The following ATP6V1A variants were observed in gnomAD, a reference collection of about 807,000 sequenced individuals.
ATP6V1A encodes the protein V-type proton ATPase catalytic subunit A.
A neutral mutation model predicts 70.1 loss-of-function variants in ATP6V1A; 18 were observed. That is an observed-to-expected ratio of 0.26 (90% confidence interval 0.18 to 0.38). ATP6V1A has a LOEUF of 0.38. ATP6V1A is among the 10% of genes least tolerant of loss of function. ATP6V1A has a pLI of 1.00. For synonymous variants in ATP6V1A, 232 were observed against 253.8 expected (o/e 0.91, Z 0.82); for missense variants, 424 against 772.4 (o/e 0.55, Z 5.35).
chr3:113,789,672 G>T (rs960668803), intron 7 of ATP6V1A, 60 bp from the exon 8 acceptor site: 1 of 1,285,390 alleles, frequency 7.8e-7, no homozygotes, highest in Non-Finnish European at 1.1e-6. Flanking sequence ...AAGAAAAATA[G>T]GGAGGGCTAA....
intron 8 of ATP6V1A, among the ~76,000 whole-genome samples, chr3:113,793,519 A>T (rs773183081): frequency 6.6e-6 from 1 of 152,184 alleles, no homozygotes; most frequent in African/African-American, 2.4e-5. Flanking sequence ...ACTCATATGT[A>T]TCTGTCTTTT....
intron 1 of ATP6V1A, among the ~76,000 whole-genome samples, chr3:113,759,711 T>G (rs1031603241): frequency 1.3e-5 from 2 of 152,190 alleles, no homozygotes; most frequent in African/African-American, 2.4e-5. Flanking sequence ...TTTAAAAATC[T>G]TGGCCATCAA....
intron 2 of ATP6V1A, chr3:113,780,762 G>C: frequency 2.3e-6 from 3 of 1,308,062 alleles, no homozygotes; most frequent in Non-Finnish European, 3.0e-6. Flanking sequence ...GCAACTCTCA[G>C]AACATACCTG....
At chr3:113,787,974 G>T (rs1709055205) in intron 6 of ATP6V1A, among the ~76,000 whole-genome samples, 1 of 152,188 alleles carries the variant, frequency 6.6e-6, no homozygotes, top group South Asian at 2.1e-4. Flanking sequence ...AGGCTGGAAT[G>T]CAATGGCTAG....
chr3:113,779,604 C>T (rs1050762313), intron 2 of ATP6V1A, among the ~76,000 whole-genome samples: 55 of 152,104 alleles, frequency 3.6e-4, no homozygotes, highest in Admixed American at 3.5e-3. Flanking sequence ...AGTCACTGTG[C>T]CTCTTTTTTC....
At chr3:113,801,955 A>G (rs894733332) in intron 12 of ATP6V1A, among the ~76,000 whole-genome samples, 1 of 151,752 alleles carries the variant, frequency 6.6e-6, no homozygotes, top group South Asian at 2.1e-4. Flanking sequence ...CCTGATCCAT[A>G]ATGCAAGAAT....
chr3:113,766,168 C>T (rs1038867061), intron 1 of ATP6V1A, among the ~76,000 whole-genome samples: 7 of 152,222 alleles, frequency 4.6e-5, no homozygotes, highest in East Asian at 1.9e-4. Context: ...GTGGGAAGTC[C>T]GAGGTCAAGG....
At chr3:113,785,011 G>A (rs148875270) in intron 5 of ATP6V1A, among the ~76,000 whole-genome samples, 178 bp downstream of exon 5, 13 of 152,156 alleles carry the variant, frequency 8.5e-5, no homozygotes, top group Non-Finnish European at 1.6e-4. Context: ...GGATGAAAAA[G>A]CAGAACATAG....
chr3:113,780,866 T>A, intron 2 of ATP6V1A, 184 bp from the exon 3 acceptor site: 1 of 1,317,406 alleles, frequency 7.6e-7, no homozygotes, highest in Non-Finnish European at 1.0e-6. Context: ...CTTACCTCTT[T>A]ATATTATACA....
intron 5 of ATP6V1A, 70 bp from the exon 6 acceptor site, chr3:113,786,162 G>A (rs992765918): frequency 3.5e-6 from 5 of 1,437,742 alleles, no homozygotes; most frequent in South Asian, 1.4e-5. Context: ...GGAGAATCGG[G>A]TTACTTTGAT....
At position 113,803,683 on chromosome 3, in the gene ATP6V1A, C is replaced by T; in HGVS notation, c.1589+6C>T. On this transcript the variant is annotated splice_donor_region_variant and intron_variant, in intron 13 of 14. Transcript: ENST00000273398. ...GGATATACTCCTTATGACAGGTAAG[C>T]TATATTGATTTCCTTTTTTTATTTG... 1 of 1,578,378 alleles carries T rather than the reference C, an allele frequency of 6.3e-7. No homozygotes were observed. The highest frequency in any genetic ancestry group is 1.1e-5 in the South Asian group (1 of 87,174).
chr3:113,747,614 C>A (rs1310764588), intron 1 of ATP6V1A, among the ~76,000 whole-genome samples: 10 of 152,130 alleles, frequency 6.6e-5, no homozygotes, highest in Non-Finnish European at 2.9e-5. Flanking sequence ...AGCTTCCCTC[C>A]GAATGTGCTT....
At chr3:113,749,220 A>C (rs1349641042) in intron 1 of ATP6V1A, among the ~76,000 whole-genome samples, 2 of 151,730 alleles carry the variant, frequency 1.3e-5, no homozygotes, top group African/African-American at 4.9e-5. Context: ...TTACATTGCT[A>C]GTAAGGTTAA....
intron 1 of ATP6V1A, among the ~76,000 whole-genome samples, chr3:113,774,317 A>G (rs1708884356): frequency 6.6e-6 from 1 of 152,214 alleles, no homozygotes; most frequent in Admixed American, 6.5e-5. Context: ...TTTAGAAAAA[A>G]GGCAATCTTA....
intron 2 of ATP6V1A, among the ~76,000 whole-genome samples, chr3:113,780,167 A>G (rs140960510): frequency 5.3e-5 from 8 of 152,324 alleles, no homozygotes; most frequent in African/African-American, 1.9e-4. Context: ...GCATAGAGGT[A>G]AATATTTATA....
At chr3:113,782,798 A>T (rs1196794096) in intron 3 of ATP6V1A, among the ~76,000 whole-genome samples, 1 of 151,254 alleles carries the variant, frequency 6.6e-6, no homozygotes, top group Non-Finnish European at 1.5e-5. Context: ...AATTTTTTGT[A>T]TTTTTAGTAG....
intron 14 of ATP6V1A, among the ~76,000 whole-genome samples, chr3:113,807,785 A>G (rs1018465393): frequency 2.0e-5 from 3 of 152,154 alleles, no homozygotes; most frequent in Non-Finnish European, 2.9e-5. Flanking sequence ...ACTCTTCTGT[A>G]GCATTGTTTT....
chr3:113,777,224 CAA>C (rs1419095916), intron 1 of ATP6V1A, among the ~76,000 whole-genome samples: 1 of 151,938 alleles, frequency 6.6e-6, no homozygotes, highest in African/African-American at 2.4e-5. Context: ...TATCAATAAA[CAA>C]AGAGGTTGAA....
rs112577144 is a variant in ATP6V1A at position 113,805,102 on chromosome 3, A to G, written c.1590-252A>G. On this transcript the variant is annotated intron_variant, in intron 13 of 14. Coordinates refer to ENST00000273398, the MANE Select transcript of ATP6V1A (RefSeq NM_001690.4). Reference sequence around the variant, plus strand: ...GATGATGTTAACAGAGAAAAGTAAAATTTACCCTTAAAATAAATACAAGAA... The same window carrying G: ...GATGATGTTAACAGAGAAAAGTAAAGTTTACCCTTAAAATAAATACAAGAA... 9.8e-3 allele frequency among the ~76,000 whole-genome samples: 1,497 copies of G among 152,284 alleles called. 19 individuals carry two copies. Among genetic ancestry groups the G allele is most frequent in the African/African-American group, 0.033 (1,382 of 41,554 alleles).
Sources: allele counts gnomAD v4.1 joint callset (sites outside exome capture counted in the v4.1 genomes callset), GRCh38; gene constraint gnomAD v4.1.1; transcripts MANE v1.5; gene names NCBI Gene and HGNC (gene_info 2026-07-23, HGNC 2026-07-21).